ACSM2B: variants seen among roughly 807,000 people sequenced by gnomAD.
ACSM2B encodes acyl-CoA synthetase medium chain family member 2B.
ACSM2B carries 58 observed loss-of-function variants against 78.6 expected under a neutral mutation model. The observed-to-expected ratio is 0.74, with a 90% confidence interval of 0.60 to 0.92. The LOEUF (loss-of-function observed/expected upper bound fraction) is 0.92, where lower values mean the gene tolerates loss of function less well. ACSM2B is among the 40% of genes least tolerant of loss of function. The pLI, the probability that ACSM2B is intolerant of heterozygous loss-of-function variation, is 0.00. For missense variants in ACSM2B, 688 were observed against 711.2 expected (o/e 0.97, Z 0.37); for synonymous variants, 257 against 256.8 (o/e 1.00, Z -0.01).
rs139645836 is a variant in ACSM2B, at chr16:20,553,491, C to T, written c.740+286G>A. Among the ~76,000 whole-genome samples, 36 of 152,328 alleles carry T rather than the reference C, an allele frequency of 2.4e-4. 2 individuals are homozygous for T. In the East Asian group the frequency reaches 2.5e-3, roughly 11 times the overall value. On this transcript the variant is annotated intron_variant, in intron 5 of 13. Transcript: ENST00000329697. ...GCATCCCAAAGAACAACATAGAGATCAGCCTGGGGAAATGCACGTAAGCCT... is the reference window on the plus strand; with the variant it reads ...GCATCCCAAAGAACAACATAGAGATTAGCCTGGGGAAATGCACGTAAGCCT...
At chr16:20,550,312 TAC>T (rs2015271114) in intron 6 of ACSM2B, among the ~76,000 whole-genome samples, 1 of 152,192 alleles carries the variant, frequency 6.6e-6, no homozygotes, top group Admixed American at 6.5e-5. Flanking sequence ...ATGTGCTTGA[TAC>T]ACAGATATAA....
intron 5 of ACSM2B, among the ~76,000 whole-genome samples, chr16:20,553,138 AT>A (rs1195520425): frequency 1.3e-5 from 2 of 152,162 alleles, no homozygotes; most frequent in African/African-American, 2.4e-5. Flanking sequence ...TAGATGGAAC[AT>A]TTACATTTTC....
rs1446258886 is a variant in ACSM2B, at chr16:20,537,289, C to T, written c.1703G>A (p.Trp568Ter). The T allele has an allele frequency of 1.9e-6, 3 of 1,614,018 alleles. No individual in the cohort carries two copies. The highest frequency in any genetic ancestry group is 1.1e-5 in the South Asian group (1 of 91,078). Reference sequence around the variant, plus strand: ...CGCACGGGCTTTTCCGGACATCTTCCACTCCTTGTCTCGAAGTTTGGTTCG... The same window carrying T: ...CGCACGGGCTTTTCCGGACATCTTCTACTCCTTGTCTCGAAGTTTGGTTCG... ...IQRTKLRDKE[W>*]KMSGKARAQ Residue 568 changes from tryptophan (W) to a stop codon, truncating the protein, a stop_gained, in exon 14 of 14, where the codon TGG (tryptophan) becomes TAG (stop). Transcript: ENST00000329697. LOFTEE classifies it high-confidence loss of function.
intron 3 of ACSM2B, among the ~76,000 whole-genome samples, chr16:20,558,829 G>C (rs1184736284): frequency 6.6e-6 from 1 of 152,182 alleles, no homozygotes; most frequent in East Asian, 1.9e-4. Context: ...AGTGGGCATA[G>C]CTGTGTTATA....
At chr16:20,551,622 A>G (rs1311931105) in intron 6 of ACSM2B, among the ~76,000 whole-genome samples, 1 of 152,124 alleles carries the variant, frequency 6.6e-6, no homozygotes, top group Non-Finnish European at 1.5e-5. Flanking sequence ...GTATTTTATT[A>G]TAGTAGCCCA....
intron 1 of ACSM2B, among the ~76,000 whole-genome samples, chr16:20,568,197 A>T (rs1285291233): frequency 1.4e-5 from 2 of 143,964 alleles, no homozygotes; most frequent in African/African-American, 5.0e-5. Flanking sequence ...TATATTATAT[A>T]AAATATAAAT....
chr16:20,561,055 G>A (rs1429582545), intron 2 of ACSM2B, among the ~76,000 whole-genome samples: 2 of 151,976 alleles, frequency 1.3e-5, no homozygotes, highest in African/African-American at 2.4e-5. Flanking sequence ...AATGTTTGAC[G>A]AATAGATAAT....
In ACSM2B at chr16:20,550,517, A is replaced by C. The variant is rs2015280724; in HGVS notation, c.894+1627T>G. On this transcript the variant is annotated intron_variant, in intron 6 of 13. Transcript: ENST00000329697. Reference sequence around the variant, plus strand: ...TTTTTTAATGGTGGAACTTATTAAAAACCAGTTCAAATCCTTTTGAGAAGG... The same window carrying C: ...TTTTTTAATGGTGGAACTTATTAAACACCAGTTCAAATCCTTTTGAGAAGG... 7.9e-5 allele frequency among the ~76,000 whole-genome samples: 12 copies of C among 152,168 alleles called. 1 individual carries two copies. Among genetic ancestry groups the C allele is most frequent in the Admixed American group, 7.8e-4 (12 of 15,290 alleles).
At chr16:20,549,401 G>T (rs578126943) in intron 6 of ACSM2B, among the ~76,000 whole-genome samples, 3 of 152,198 alleles carry the variant, frequency 2.0e-5, no homozygotes, top group East Asian at 3.9e-4. Context: ...TCCCAAGGAG[G>T]TTCGGGGCAT....
At chr16:20,552,340 T>G (rs1233937181) in intron 5 of ACSM2B, 43 bp from the exon 6 acceptor site, 1 of 1,580,742 alleles carries the variant, frequency 6.3e-7, no homozygotes, top group Admixed American at 1.8e-5. Context: ...GGTGGGTGCA[T>G]GCTTAGGATG....
intron 1 of ACSM2B, among the ~76,000 whole-genome samples, chr16:20,570,186 G>A (rs1232991533): frequency 1.3e-5 from 2 of 151,828 alleles, no homozygotes; most frequent in African/African-American, 2.4e-5. Flanking sequence ...CTATTATGTT[G>A]CCTGTGGGTT....
At chr16:20,566,184 G>C (rs1391477168) in intron 1 of ACSM2B, among the ~76,000 whole-genome samples, 9 of 136,100 alleles carry the variant, frequency 6.6e-5, no homozygotes, top group Admixed American at 5.5e-4. Flanking sequence ...TCACACTCCT[G>C]TGCCTTTCTT....
At chr16:20,547,335 C>A in intron 8 of ACSM2B, 1 of 985,420 alleles carries the variant, frequency 1.0e-6, no homozygotes, top group Non-Finnish European at 1.2e-6. Context: ...CTCTTCCTGG[C>A]TCTTTCATAC....
intron 13 of ACSM2B, among the ~76,000 whole-genome samples, chr16:20,540,215 T>G (rs1026328301): frequency 2.3e-3 from 120 of 52,040 alleles, no homozygotes; most frequent in African/African-American, 4.7e-3. Context: ...GAAGAGTTGT[T>G]TTTTTTTTGT....
chr16:20,569,084 T>C (rs1836108133), intron 1 of ACSM2B, among the ~76,000 whole-genome samples: 1 of 151,852 alleles, frequency 6.6e-6, no homozygotes, highest in African/African-American at 2.4e-5. Context: ...CCCATCTATT[T>C]ATCTTCATTT....
At chr16:20,543,507 A>T (rs1474543672) in intron 10 of ACSM2B, among the ~76,000 whole-genome samples, 6 of 152,200 alleles carry the variant, frequency 3.9e-5, no homozygotes, top group Non-Finnish European at 7.3e-5. Context: ...TCTGATGGAT[A>T]TTATTGATGT....
chr16:20,567,778 A>AT (rs1171821149), intron 1 of ACSM2B, among the ~76,000 whole-genome samples: 1 of 140,684 alleles, frequency 7.1e-6, no homozygotes, highest in African/African-American at 2.6e-5. Flanking sequence ...AGATATATAT[A>AT]ATATATAATA....
At chr16:20,562,213 G>T (rs2015681659) in intron 2 of ACSM2B, among the ~76,000 whole-genome samples, 1 of 151,706 alleles carries the variant, frequency 6.6e-6, no homozygotes, top group Non-Finnish European at 1.5e-5. Flanking sequence ...TTCCATAATA[G>T]CTGTAACATT....
At chr16:20,558,653 C>T (rs1596724153) in intron 3 of ACSM2B, among the ~76,000 whole-genome samples, 3 of 152,102 alleles carry the variant, frequency 2.0e-5, no homozygotes, top group East Asian at 3.9e-4. Flanking sequence ...CTTAGTTGCT[C>T]CTCATATTGG....
Sources: gnomAD v4.1 joint callset for allele counts (sites outside exome capture counted in the v4.1 genomes callset) on GRCh38, gnomAD v4.1.1 for gene constraint, MANE v1.5 for transcripts, NCBI Gene and HGNC (gene_info 2026-07-23, HGNC 2026-07-21) for gene names.